The following COG5 variants were observed in gnomAD, a reference collection of about 807,000 sequenced individuals.
The protein encoded by COG5 is component of oligomeric golgi complex 5, also known as conserved oligomeric Golgi complex subunit 5.
COG5 carries 86 observed loss-of-function variants against 110.4 expected under a neutral mutation model. The ratio of observed to expected loss-of-function variants is 0.78; its 90% CI spans 0.65 to 0.93. COG5 has a LOEUF of 0.93. Among genes scored for constraint, COG5 ranks in the 40% least tolerant of loss-of-function variants. COG5 has a pLI of 0.00. For synonymous variants in COG5, 360 were observed against 334.6 expected (o/e 1.08, Z -0.83); for missense variants, 1,077 against 987.0 (o/e 1.09, Z -1.22).
chr7:107,516,196 T>A (rs2129148007), intron 6 of COG5, among the ~76,000 whole-genome samples: 1 of 152,330 alleles, frequency 6.6e-6, no homozygotes, highest in East Asian at 1.9e-4. Flanking sequence ...AAGATAATAG[T>A]ATACTTTTCA....
intron 7 of COG5, among the ~76,000 whole-genome samples, chr7:107,395,598 A>T (rs1790940108): frequency 9.0e-6 from 1 of 111,434 alleles, no homozygotes; most frequent in Admixed American, 1.4e-4. Context: ...CTTGTTGCCC[A>T]GGCTGGAGTA....
intron 6 of COG5, among the ~76,000 whole-genome samples, chr7:107,512,484 T>C (rs1198330791): frequency 3.3e-5 from 5 of 152,048 alleles, no homozygotes; most frequent in Non-Finnish European, 5.9e-5. Context: ...AGGTAATTTA[T>C]AGATTCAATG....
rs1009619129 is a variant in COG5 at position 107,429,849 on chromosome 7, C to T, written c.539-17217G>A. On this transcript the variant is annotated intron_variant, in intron 6 of 21. Coordinates refer to ENST00000297135, the MANE Select transcript of COG5 (RefSeq NM_006348.5). ...TTCACCTTCCACCATGATAATGAGG[C>T]CTCCCTAGCCCCATGGAACTGTCAG... is the stretch of plus-strand genomic sequence containing the variant. 3.9e-5 allele frequency among the ~76,000 whole-genome samples: 6 copies of T among 152,258 alleles called. No homozygotes were observed. The East Asian group carries it at 9.7e-4, about 25-fold the overall frequency.
chr7:107,416,490 A>C (rs1411364282), intron 6 of COG5, among the ~76,000 whole-genome samples: 1 of 152,178 alleles, frequency 6.6e-6, no homozygotes, highest in Non-Finnish European at 1.5e-5. Context: ...CATTTGGAAA[A>C]ATTAGCAGAG....
intron 3 of COG5, among the ~76,000 whole-genome samples, chr7:107,550,691 A>C (rs1330835192): frequency 1.3e-5 from 2 of 152,052 alleles, no homozygotes; most frequent in Admixed American, 6.6e-5. Flanking sequence ...TTCTCTATAG[A>C]ATTTACAAAT....
chr7:107,541,484 G>C (rs1480840928), intron 5 of COG5, among the ~76,000 whole-genome samples: 1 of 86,912 alleles, frequency 1.2e-5, no homozygotes, highest in South Asian at 4.0e-4. Context: ...GCAACAGAGT[G>C]AGACCCTGTC....
intron 13 of COG5, 61 bp downstream of exon 13, chr7:107,283,505 CTATCA>C: frequency 1.5e-6 from 2 of 1,350,380 alleles, no homozygotes; most frequent in South Asian, 1.2e-5. Context: ...AAAGGTACTG[CTATCA>C]TATATCACTA....
chr7:107,474,628 T>C lies in COG5; in HGVS notation c.538+52609A>G. ...TTTCAGTCTTCAAAGTGGAAATACC[T>C]GGGAAAACAAGACACTTTTATGTGT... On this transcript the variant is annotated intron_variant, in intron 6 of 21. Transcript: ENST00000297135. This position sits in a 1 kb window ranked among gnomAD's most constrained non-coding sequence, Gnocchi z 5.7. 2 of 1,611,040 alleles carry C rather than the reference T, an allele frequency of 1.2e-6. No homozygotes were observed. Among genetic ancestry groups the C allele is most frequent in the South Asian group, 2.2e-5 (2 of 90,746 alleles).
intron 14 of COG5, among the ~76,000 whole-genome samples, chr7:107,280,654 G>C (rs1805092410): frequency 6.6e-6 from 1 of 151,818 alleles, no homozygotes; most frequent in African/African-American, 2.4e-5. Flanking sequence ...ATTTCAATTA[G>C]CATACATATA....
chr7:107,314,724 G>A (rs1350337746), intron 11 of COG5, among the ~76,000 whole-genome samples: 3 of 152,270 alleles, frequency 2.0e-5, no homozygotes, highest in African/African-American at 4.8e-5. Context: ...ACTCCAGCCT[G>A]GGCAACAGAG....
Position 107,404,863 on chromosome 7 carries a change from TA to T in COG5, c.669+7638del, listed in dbSNP as rs559984028. On this transcript the variant is annotated intron_variant, in intron 7 of 21. Coordinates refer to ENST00000297135, the MANE Select transcript of COG5 (RefSeq NM_006348.5). ...TGGTTGATGGAAAGTAAAGAGAGCG[TA>T]AAACAGTAATTTCAGAAGATGAAAA... 1.3e-3 allele frequency among the ~76,000 whole-genome samples: 95 copies of T among 71,800 alleles called. 1 individual carries two copies. Among genetic ancestry groups the T allele is most frequent in the Non-Finnish European group, 2.0e-3 (74 of 37,762 alleles). The allele number at this position is 71,800 out of a possible 152,430, so 47.1% of individuals were successfully genotyped here. A position where few individuals can be genotyped will look rare whatever the true frequency, so the allele number is the denominator to read the frequency against.
chr7:107,458,685 C>CCATCT (rs1795808355), intron 6 of COG5, among the ~76,000 whole-genome samples: 1 of 152,018 alleles, frequency 6.6e-6, no homozygotes, highest in Admixed American at 6.6e-5. Flanking sequence ...TAGCAAGATT[C>CCATCT]CATCTCTACA....
In COG5 at chr7:107,437,278, A is replaced by T. The variant is rs551255160; in HGVS notation, c.539-24646T>A. 5.3e-5 allele frequency among the ~76,000 whole-genome samples: 8 copies of T among 152,282 alleles called. No individual in the cohort carries two copies. In the South Asian group the frequency reaches 1.7e-3, roughly 32 times the overall value. ...CCCTTTCCTCTGCCTACTCTACTCC[A>T]AAAATGGTGAATAGCTAGCCCCAGT... On this transcript the variant is annotated intron_variant, in intron 6 of 21. Coordinates refer to ENST00000297135, the MANE Select transcript of COG5 (RefSeq NM_006348.5).
At chr7:107,429,459 GT>G (rs879327523) in intron 6 of COG5, among the ~76,000 whole-genome samples, 202 of 142,450 alleles carry the variant, frequency 1.4e-3, no homozygotes, top group Admixed American at 4.2e-3. Flanking sequence ...TCTTTGCCCA[GT>G]TTTTTTTTTT....
chr7:107,559,394 G>A (rs1803597478), intron 1 of COG5, among the ~76,000 whole-genome samples: 1 of 152,180 alleles, frequency 6.6e-6, no homozygotes, highest in African/African-American at 2.4e-5. Context: ...GCTGCCTTGA[G>A]AGAGATTATG....
chr7:107,386,626 A>G (rs1790223040), intron 7 of COG5, among the ~76,000 whole-genome samples: 1 of 152,218 alleles, frequency 6.6e-6, no homozygotes, highest in Non-Finnish European at 1.5e-5. Context: ...GAAACAGTAT[A>G]TAAAAGTATT....
chr7:107,425,427 T>C (rs1407692106), intron 6 of COG5, among the ~76,000 whole-genome samples: 3 of 151,474 alleles, frequency 2.0e-5, no homozygotes, highest in Admixed American at 2.0e-4. Context: ...TAAACATTAA[T>C]GACCACAGAA....
intron 6 of COG5, among the ~76,000 whole-genome samples, chr7:107,438,171 T>C: frequency 6.6e-6 from 1 of 152,134 alleles, no homozygotes; most frequent in East Asian, 1.9e-4. Flanking sequence ...TTGACATAAA[T>C]ATTTTTGAGC....
intron 6 of COG5, among the ~76,000 whole-genome samples, chr7:107,525,258 T>TA (rs1800648602): frequency 1.3e-5 from 2 of 151,606 alleles, no homozygotes; most frequent in Admixed American, 1.3e-4. Flanking sequence ...TTCGAAGACA[T>TA]GACCATTTGT....
Sources: gnomAD v4.1 joint callset for allele counts (sites outside exome capture counted in the v4.1 genomes callset) on GRCh38, gnomAD v4.1.1 for gene constraint, Gnocchi (gnomAD v3.1) non-coding constraint, MANE v1.5 for transcripts, NCBI Gene and HGNC (gene_info 2026-07-23, HGNC 2026-07-21) for gene names.